Variants in ASRGL1 observed in about 807,000 individuals in gnomAD.
ASRGL1 encodes isoaspartyl peptidase/L-asparaginase.
A neutral mutation model predicts 22.4 loss-of-function variants in ASRGL1; 16 were observed. The observed-to-expected ratio is 0.71, with a 90% CI of 0.48 to 1.08. The LOEUF (loss-of-function observed/expected upper bound fraction) is 1.08. Ranked by LOEUF, ASRGL1 falls within the 50% of genes least tolerant of loss-of-function variation. The pLI is 0.00. For missense variants in ASRGL1, 412 were observed against 410.1 expected (o/e 1.00, Z -0.04); for synonymous variants, 165 against 159.3 (o/e 1.04, Z -0.27).
intron 2 of ASRGL1, among the ~76,000 whole-genome samples, chr11:62,350,344 A>G (rs1290983099): frequency 1.3e-5 from 2 of 152,154 alleles, no homozygotes; most frequent in Non-Finnish European, 2.9e-5. Flanking sequence ...CCGGGAAAGG[A>G]TATTTTGGTT....
intron 2 of ASRGL1, among the ~76,000 whole-genome samples, chr11:62,341,831 A>C (rs937718613): frequency 6.6e-6 from 1 of 152,154 alleles, no homozygotes; most frequent in Non-Finnish European, 1.5e-5. Flanking sequence ...CTTTGAGTCC[A>C]CGCCTCCATT....
At chr11:62,362,577 TATATAAA>T (rs1946478516) in intron 4 of ASRGL1, among the ~76,000 whole-genome samples, 2 of 56,252 alleles carry the variant, frequency 3.6e-5, no homozygotes, top group Non-Finnish European at 6.6e-5. Context: ...TAATATATAT[TATATAAA>T]ATATATAATA....
At chr11:62,347,802 C>T (rs1946065642) in intron 2 of ASRGL1, among the ~76,000 whole-genome samples, 1 of 152,150 alleles carries the variant, frequency 6.6e-6, no homozygotes, top group Non-Finnish European at 1.5e-5. Context: ...ATGGTGGCTC[C>T]TGTAGTCCCA....
intron 2 of ASRGL1, among the ~76,000 whole-genome samples, chr11:62,355,044 A>G (rs1946246666): frequency 6.6e-6 from 1 of 151,690 alleles, no homozygotes. Flanking sequence ...CAGCCTCCCA[A>G]GTAGCTGGGA....
chr11:62,394,581 G>A (rs1342019355), downstream of ASRGL1, among the ~76,000 whole-genome samples: 1 of 151,908 alleles, frequency 6.6e-6, no homozygotes, highest in African/African-American at 2.4e-5. Context: ...GACAACAATC[G>A]CTAAGGAGAT....
rs903971898 is a variant in ASRGL1, at chr11:62,345,779, G to A, written c.190+7612G>A. Among the ~76,000 whole-genome samples the A allele has an allele frequency of 2.6e-5, 4 of 152,152 alleles. No individual in the cohort carries two copies. The South Asian group carries it at 6.2e-4, about 24-fold the overall frequency. On this transcript the variant is annotated intron_variant, in intron 2 of 6. Transcript: ENST00000415229. Reference sequence around the variant, plus strand: ...GGTCCCCAACCTTTTTGGCACCAGGGACCAGTTTCATGGAAGACAGTGTTT... The same window carrying A: ...GGTCCCCAACCTTTTTGGCACCAGGAACCAGTTTCATGGAAGACAGTGTTT...
intron 4 of ASRGL1, 60 bp downstream of exon 4, chr11:62,357,204 A>G: frequency 6.5e-7 from 1 of 1,531,590 alleles, no homozygotes; most frequent in Non-Finnish European, 8.9e-7. Flanking sequence ...AGTTTGGCAA[A>G]TACCTGGTTA....
intron 1 of ASRGL1, 134 bp from the exon 2 acceptor site, chr11:62,337,756 G>T (rs59538249): frequency 6.2e-6 from 3 of 487,638 alleles, no homozygotes; most frequent in Non-Finnish European, 1.1e-5. Flanking sequence ...GCAGGTCCGG[G>T]CCGGGGGCGG....
At chr11:62,389,066 A>C in intron 4 of ASRGL1, 67 bp from the exon 5 acceptor site, 1 of 1,356,472 alleles carries the variant, frequency 7.4e-7, no homozygotes, top group South Asian at 1.2e-5. Flanking sequence ...GTTTTAAGGT[A>C]CATTGTTGGT....
At chr11:62,390,596 C>T (rs2302360) in intron 5 of ASRGL1, among the ~76,000 whole-genome samples, 120,510 of 152,218 alleles carry the variant, frequency 0.79, 47,778 homozygotes, top group South Asian at 0.84. Flanking sequence ...CCATGGAACC[C>T]GGTCAGTTAA....
At chr11:62,367,353 A>C (rs1946637121) in intron 4 of ASRGL1, among the ~76,000 whole-genome samples, 1 of 148,532 alleles carries the variant, frequency 6.7e-6, no homozygotes, top group African/African-American at 2.5e-5. Flanking sequence ...AAAAAAAGAG[A>C]GAGATTTTAG....
intron 4 of ASRGL1, among the ~76,000 whole-genome samples, chr11:62,383,604 A>G: frequency 3.2e-5 from 1 of 31,028 alleles, no homozygotes; most frequent in Non-Finnish European, 7.4e-5. Context: ...CTCCTACTCA[A>G]AAAAAAAAAA....
the ASRGL1 span, among the ~76,000 whole-genome samples, chr11:62,399,844 A>AC: frequency 5.3e-4 from 81 of 152,094 alleles, no homozygotes; most frequent in African/African-American, 1.8e-3. Flanking sequence ...GGGCTCTGAG[A>AC]CCCCATACCA....
chr11:62,351,466 A>C (rs77112899), intron 2 of ASRGL1, among the ~76,000 whole-genome samples: 2 of 152,060 alleles, frequency 1.3e-5, no homozygotes, highest in African/African-American at 4.8e-5. Flanking sequence ...CCTGGCCAAC[A>C]TGGTGAAACG....
intron 3 of ASRGL1, 122 bp downstream of exon 3, chr11:62,356,589 A>T: frequency 8.1e-7 from 1 of 1,231,360 alleles, no homozygotes; most frequent in South Asian, 1.4e-5. Flanking sequence ...TACAAAACAG[A>T]TGCAATGTAT....
At chr11:62,379,165 A>G (rs1382176824) in intron 4 of ASRGL1, among the ~76,000 whole-genome samples, 5 of 152,154 alleles carry the variant, frequency 3.3e-5, no homozygotes, top group Non-Finnish European at 5.9e-5. Flanking sequence ...GCCCTAAACA[A>G]TGTAATAGTA....
intron 4 of ASRGL1, chr11:62,372,821 G>C: frequency 1.2e-6 from 2 of 1,601,674 alleles, no homozygotes; most frequent in Non-Finnish European, 1.7e-6. Context: ...TGGGTGGTCT[G>C]TTTTTCTGGG....
intron 4 of ASRGL1, among the ~76,000 whole-genome samples, chr11:62,386,581 G>A (rs953559077): frequency 2.1e-5 from 2 of 93,568 alleles, no homozygotes. Flanking sequence ...GTCTTGGAAC[G>A]TATCCCCTGC....
chr11:62,338,991 A>AG (rs1201450394), intron 2 of ASRGL1, among the ~76,000 whole-genome samples: 1 of 151,484 alleles, frequency 6.6e-6, no homozygotes, highest in Non-Finnish European at 1.5e-5. Flanking sequence ...TAAGAGGTTG[A>AG]GGAGACCAAG....
Sources: allele counts gnomAD v4.1 joint callset (sites outside exome capture counted in the v4.1 genomes callset), GRCh38; gene constraint gnomAD v4.1.1; transcripts MANE v1.5; gene names NCBI Gene and HGNC (gene_info 2026-07-23, HGNC 2026-07-21).